KATNIP: variants seen among roughly 807,000 people sequenced by gnomAD.
KATNIP encodes katanin-interacting protein.
In KATNIP, 126 loss-of-function variants were observed where a neutral mutation model predicts 174.0. That is an observed-to-expected ratio of 0.72 (90% CI 0.63 to 0.84). The LOEUF is 0.84. Among genes scored for constraint, KATNIP ranks in the 40% least tolerant of loss-of-function variants. The pLI, the probability that KATNIP is intolerant of heterozygous loss-of-function variation, is 0.00. For missense variants in KATNIP, 1,958 were observed against 2,109.7 expected (o/e 0.93, Z 1.41); for synonymous variants, 810 against 835.7 (o/e 0.97, Z 0.53).
At chr16:27,758,198 C>T (rs547626137) in intron 18 of KATNIP, among the ~76,000 whole-genome samples, 1 of 152,272 alleles carries the variant, frequency 6.6e-6, no homozygotes, top group Admixed American at 6.5e-5. Context: ...TGGCATTTCT[C>T]CCTCGCACTG....
intron 1 of KATNIP, among the ~76,000 whole-genome samples, chr16:27,564,161 C>G (rs2089999583): frequency 6.6e-6 from 1 of 152,002 alleles, no homozygotes; most frequent in Non-Finnish European, 1.5e-5. Context: ...ATTTGGAAGC[C>G]CAAGTTCAGT....
At chr16:27,591,218 C>G (rs1183712186) in intron 2 of KATNIP, among the ~76,000 whole-genome samples, 1 of 151,380 alleles carries the variant, frequency 6.6e-6, no homozygotes, top group East Asian at 1.9e-4. Flanking sequence ...CGGAGTCTCG[C>G]TCTGTCACCA....
intron 1 of KATNIP, among the ~76,000 whole-genome samples, chr16:27,571,739 A>T (rs928294139): frequency 1.3e-5 from 2 of 151,928 alleles, no homozygotes; most frequent in African/African-American, 4.8e-5. Flanking sequence ...CCAGACCCCA[A>T]CCCGCTTTGT....
chr16:27,677,671 A>G (rs1406971772), intron 6 of KATNIP, 58 bp from the exon 7 acceptor site: 1 of 1,504,010 alleles, frequency 6.6e-7, no homozygotes. Flanking sequence ...CTATTTTCAA[A>G]TAAGTTTTTC....
chr16:27,619,937 A>G (rs970178893), intron 3 of KATNIP, among the ~76,000 whole-genome samples: 7 of 152,182 alleles, frequency 4.6e-5, no homozygotes, highest in African/African-American at 1.7e-4. Context: ...ACAGAGCAGG[A>G]TGTTTTTATT....
chr16:27,662,867 A>T (rs555826914), intron 6 of KATNIP, among the ~76,000 whole-genome samples: 1 of 152,320 alleles, frequency 6.6e-6, no homozygotes, highest in East Asian at 1.9e-4. Context: ...ATTTAAAAAG[A>T]TTCAAACAGT....
intron 2 of KATNIP, among the ~76,000 whole-genome samples, chr16:27,615,396 C>G (rs2076012676): frequency 6.6e-6 from 1 of 151,044 alleles, no homozygotes; most frequent in South Asian, 2.1e-4. Flanking sequence ...ATTCTGTTGC[C>G]CAGGCTGGAA....
intron 18 of KATNIP, among the ~76,000 whole-genome samples, chr16:27,760,289 G>T (rs1430743119): frequency 6.6e-6 from 1 of 152,190 alleles, no homozygotes; most frequent in East Asian, 1.9e-4. Flanking sequence ...TTCTCTAAGG[G>T]CAGAAGGGTT....
chr16:27,596,961 T>C (rs1332914376), intron 2 of KATNIP, among the ~76,000 whole-genome samples: 2 of 150,554 alleles, frequency 1.3e-5, no homozygotes, highest in African/African-American at 4.9e-5. Flanking sequence ...AGACAGAGGT[T>C]GCAGTGAGCC....
chr16:27,740,388 A>T lies in KATNIP; in HGVS notation c.2091A>T (p.Glu697Asp). 1.2e-6 allele frequency: 2 copies of T among 1,614,230 alleles called. No individual in the cohort carries two copies. The highest frequency in any genetic ancestry group is 1.7e-6 in the Non-Finnish European group (2 of 1,180,054). Reference protein sequence around the residue: ...CRKDSLSQLEEYLRLSAVPTS... With the variant: ...CRKDSLSQLEDYLRLSAVPTS... ...AAGACAGTTTGTCCCAGTTAGAGGAATATTTGAGACTGTCGGCAGTCCCCA... is the reference window on the plus strand; with the variant it reads ...AAGACAGTTTGTCCCAGTTAGAGGATTATTTGAGACTGTCGGCAGTCCCCA... The change falls in exon 15 of 28, where the codon GAA (glutamate) becomes GAT (aspartate). Residue 697 changes from glutamate to aspartate, a missense_variant. Glu to Asp is a conservative substitution (Grantham distance 45). Around this residue, in one of 3 missense-constraint regions of KATNIP, gnomAD observed 1,557 missense variants for 1,617.8 expected, o/e 0.96. Transcript: ENST00000261588.
chr16:27,629,013 C>T (rs886775309), intron 4 of KATNIP, among the ~76,000 whole-genome samples, 183 bp downstream of exon 4: 2 of 151,796 alleles, frequency 1.3e-5, no homozygotes, highest in Admixed American at 6.6e-5. Context: ...ACTAAAAATA[C>T]GAAAATTAGC....
intron 6 of KATNIP, among the ~76,000 whole-genome samples, chr16:27,677,107 T>C (rs1377011626): frequency 6.6e-6 from 1 of 152,140 alleles, no homozygotes; most frequent in Non-Finnish European, 1.5e-5. Flanking sequence ...TACAATTTCA[T>C]GTAGACAAAA....
chr16:27,746,990 G>A (rs746815477), intron 15 of KATNIP, among the ~76,000 whole-genome samples: 1 of 152,226 alleles, frequency 6.6e-6, no homozygotes, highest in Non-Finnish European at 1.5e-5. Flanking sequence ...CTTCCAAGAG[G>A]TCATTGGAAT....
chr16:27,627,769 A>T (rs1457885516), intron 3 of KATNIP, among the ~76,000 whole-genome samples: 3 of 152,244 alleles, frequency 2.0e-5, no homozygotes, highest in African/African-American at 2.4e-5. Context: ...GAAGAGGCAC[A>T]CTTGTTGCTA....
At chr16:27,766,219 G>A (rs947950401) in intron 19 of KATNIP, 90 bp from the exon 20 acceptor site, 10 of 1,404,920 alleles carry the variant, frequency 7.1e-6, no homozygotes, top group Middle Eastern at 2.5e-4. Context: ...CAGTGGGGAC[G>A]TACTTGGGGC....
At chr16:27,614,171 G>A (rs998692338) in intron 2 of KATNIP, among the ~76,000 whole-genome samples, 5 of 150,230 alleles carry the variant, frequency 3.3e-5, no homozygotes, top group Non-Finnish European at 5.9e-5. Flanking sequence ...TCCAACCCCC[G>A]GGTTCAAGCG....
chr16:27,680,777 C>T (rs2078306134), intron 7 of KATNIP, among the ~76,000 whole-genome samples: 1 of 152,230 alleles, frequency 6.6e-6, no homozygotes, highest in South Asian at 2.1e-4. Context: ...TCACTGCAAC[C>T]TCCATCTTCT....
intron 13 of KATNIP, among the ~76,000 whole-genome samples, chr16:27,719,741 A>T (rs1308758109): frequency 1.4e-5 from 2 of 143,036 alleles, no homozygotes; most frequent in Non-Finnish European, 3.0e-5. Flanking sequence ...CCCAGGCTGG[A>T]GTGCAGTGGT....
At position 27,740,539 on chromosome 16, in the gene KATNIP, C is replaced by T; in HGVS notation, c.2242C>T (p.Pro748Ser). ...CATGGGCAGAAAAATCTGTGAGCCA[C>T]CCGGGAAAACCCCATCCTGGTTACA... is the stretch of plus-strand genomic sequence containing the variant. ...NLMGRKICEP[P>S]GKTPSWLQPS... The change falls in exon 15 of 28, where the codon CCC becomes TCC. Residue 748 changes from proline to serine, a missense_variant. Physicochemically the swap from Pro to Ser is moderately conservative, Grantham distance 74 (BLOSUM62 -1). Around this residue, in one of 3 missense-constraint regions of KATNIP, gnomAD observed 1,557 missense variants for 1,617.8 expected, o/e 0.96. Coordinates refer to ENST00000261588, the MANE Select transcript of KATNIP (RefSeq NM_015202.5). 1 of 1,614,148 alleles carries T rather than the reference C, an allele frequency of 6.2e-7. No individual in the cohort carries two copies. Among genetic ancestry groups the T allele is most frequent in the Non-Finnish European group, 8.5e-7 (1 of 1,180,022 alleles).
Sources: gnomAD v4.1 joint callset for allele counts (sites outside exome capture counted in the v4.1 genomes callset) on GRCh38, gnomAD v4.1.1 for gene constraint, gnomAD v4.1.1 regional missense constraint, MANE v1.5 for transcripts, NCBI Gene and HGNC (gene_info 2026-07-23, HGNC 2026-07-21) for gene names.